Variants in GRB2 observed in about 807,000 individuals in gnomAD.
GRB2 encodes growth factor receptor-bound protein 2.
GRB2 carries 2 observed loss-of-function variants against 27.4 expected under a neutral mutation model. The ratio of observed to expected loss-of-function variants is 0.07; its 90% CI spans 0.03 to 0.23. The LOEUF (loss-of-function observed/expected upper bound fraction) is 0.23. GRB2 is among the 10% of genes least tolerant of loss of function. GRB2 has a pLI of 1.00. For synonymous variants in GRB2, 94 were observed against 99.6 expected, an observed-to-expected ratio of 0.94 and a Z score of 0.33; for missense variants, 102 against 282.4, an observed-to-expected ratio of 0.36 and a Z score of 4.58.
chr17:75,362,212 C>CAT (rs1266951796), intron 2 of GRB2, among the ~76,000 whole-genome samples: 5 of 152,114 alleles, frequency 3.3e-5, no homozygotes, highest in Non-Finnish European at 5.9e-5. Flanking sequence ...GGGAGAGCCC[C>CAT]ATATCTCAGT....
intron 2 of GRB2, among the ~76,000 whole-genome samples, chr17:75,383,028 A>AACTACAGAAACTTAC (rs2078939675): frequency 1.3e-5 from 2 of 151,492 alleles, no homozygotes; most frequent in South Asian, 2.1e-4. Flanking sequence ...AAGATTTTTA[A>AACTACAGAAACTTAC]AAGTTGTTTG....
intron 3 of GRB2, among the ~76,000 whole-genome samples, chr17:75,331,094 T>C (rs1409981653): frequency 6.6e-6 from 1 of 152,188 alleles, no homozygotes; most frequent in Non-Finnish European, 1.5e-5. Flanking sequence ...CCTATACTCA[T>C]GAACATCCAG....
intron 2 of GRB2, among the ~76,000 whole-genome samples, chr17:75,359,146 G>T (rs776328611): frequency 8.6e-6 from 1 of 116,788 alleles, no homozygotes; most frequent in Non-Finnish European, 1.7e-5. Flanking sequence ...ACCCAGGAGG[G>T]TTTGAGACTA....
At chr17:75,343,106 G>T (rs2078632583) in intron 2 of GRB2, among the ~76,000 whole-genome samples, 1 of 151,622 alleles carries the variant, frequency 6.6e-6, no homozygotes, top group Non-Finnish European at 1.5e-5. Flanking sequence ...GGTAGAGCAG[G>T]GAACTTTCAG....
At chr17:75,338,236 T>C (rs964959580) in intron 2 of GRB2, among the ~76,000 whole-genome samples, 4 of 152,110 alleles carry the variant, frequency 2.6e-5, no homozygotes, top group Non-Finnish European at 5.9e-5. Context: ...AGCTAATTTT[T>C]GTATTTTTCA....
chr17:75,340,360 C>T (rs956128704), intron 2 of GRB2, among the ~76,000 whole-genome samples: 2 of 152,176 alleles, frequency 1.3e-5, no homozygotes, highest in Non-Finnish European at 2.9e-5. Context: ...GAGGTGTCCC[C>T]AGTTCTTCAA....
At chr17:75,332,029 A>C (rs1287880221) in intron 3 of GRB2, among the ~76,000 whole-genome samples, 4 of 152,264 alleles carry the variant, frequency 2.6e-5, no homozygotes, top group East Asian at 3.9e-4. Context: ...ACACACTTGT[A>C]AGGCAAGCCA....
At chr17:75,362,808 G>A (rs2145848979) in intron 2 of GRB2, among the ~76,000 whole-genome samples, 2 of 152,274 alleles carry the variant, frequency 1.3e-5, no homozygotes, top group East Asian at 3.9e-4. Flanking sequence ...CTTAAAAAGG[G>A]CAGAACAGCC....
intron 2 of GRB2, among the ~76,000 whole-genome samples, chr17:75,340,586 G>C (rs572171803): frequency 6.6e-6 from 1 of 152,158 alleles, no homozygotes; most frequent in African/African-American, 2.4e-5. Context: ...CCTGGCTAGG[G>C]TAACAGTAAT....
At chr17:75,336,868 G>A (rs1166721263) in intron 2 of GRB2, among the ~76,000 whole-genome samples, 2 of 152,032 alleles carry the variant, frequency 1.3e-5, no homozygotes, top group African/African-American at 4.8e-5. Flanking sequence ...CTCCCAAGTA[G>A]CTGGGATTAC....
At chr17:75,372,113 C>T (rs2078860592) in intron 2 of GRB2, 1 of 152,116 alleles carries the variant, frequency 6.6e-6, no homozygotes, top group Non-Finnish European at 1.5e-5. Context: ...TAGCTCGAGA[C>T]CACATTACAC....
intron 1 of GRB2, among the ~76,000 whole-genome samples, chr17:75,403,658 G>A (rs1300442859): frequency 6.6e-6 from 1 of 152,158 alleles, no homozygotes; most frequent in African/African-American, 2.4e-5. Context: ...CAGCTACTCG[G>A]GAGTGCGAGG....
chr17:75,404,959 AG>A (rs1341548409), intron 1 of GRB2: 1 of 79,648 alleles, frequency 1.3e-5, no homozygotes, highest in Non-Finnish European at 4.0e-5. Flanking sequence ...TTTTTCAAAT[AG>A]TTTTTTTTTT....
At chr17:75,385,358 G>T (rs975158782) in intron 2 of GRB2, among the ~76,000 whole-genome samples, 22 of 152,026 alleles carry the variant, frequency 1.4e-4, no homozygotes, top group African/African-American at 5.1e-4. Flanking sequence ...CCAACATGGT[G>T]AAACACTGTC....
At chr17:75,398,739 C>T (rs575747415) in intron 1 of GRB2, among the ~76,000 whole-genome samples, 1 of 152,148 alleles carries the variant, frequency 6.6e-6, no homozygotes, top group African/African-American at 2.4e-5. Context: ...CTATTGACAA[C>T]TTTTATTTAT....
chr17:75,378,142 T>C (rs2078906009), intron 2 of GRB2, among the ~76,000 whole-genome samples: 1 of 151,980 alleles, frequency 6.6e-6, no homozygotes, highest in Non-Finnish European at 1.5e-5. Context: ...TTCCAGCACT[T>C]TGGGAGGCCG....
chr17:75,343,151 G>A (rs2078632845), intron 2 of GRB2, among the ~76,000 whole-genome samples: 1 of 151,652 alleles, frequency 6.6e-6, no homozygotes, highest in Admixed American at 6.6e-5. Context: ...ACCAGGGAGA[G>A]AGGAGGTGTA....
At chr17:75,350,841 G>C (rs2078687459) in intron 2 of GRB2, among the ~76,000 whole-genome samples, 1 of 152,160 alleles carries the variant, frequency 6.6e-6, no homozygotes, top group South Asian at 2.1e-4. Flanking sequence ...GTAGGCTGTA[G>C]TGAGGCTTGG....
chr17:75,339,196 T>TTTG (rs1598225021), intron 2 of GRB2: 2 of 497,804 alleles, frequency 4.0e-6, no homozygotes, highest in Non-Finnish European at 3.1e-6. Context: ...TGAGTTTATG[T>TTTG]TTTTTTTTTT....
Sources: gnomAD v4.1 joint callset for allele counts (sites outside exome capture counted in the v4.1 genomes callset) on GRCh38, gnomAD v4.1.1 for gene constraint, MANE v1.5 for transcripts, NCBI Gene and HGNC (gene_info 2026-07-23, HGNC 2026-07-21) for gene names.